Variants in MAP6 observed in about 807,000 individuals in gnomAD.
The protein encoded by MAP6 is microtubule associated protein 6, also known as microtubule-associated protein 6.
A neutral mutation model predicts 42.4 loss-of-function variants in MAP6; 26 were observed. The ratio of observed to expected loss-of-function variants is 0.61; its 90% CI spans 0.45 to 0.85. MAP6 has a LOEUF of 0.85. Ranked by LOEUF, MAP6 falls within the 40% of genes least tolerant of loss-of-function variation. MAP6 has a pLI of 0.00. For missense variants in MAP6, 966 were observed against 1,099.0 expected (o/e 0.88, Z 1.71); for synonymous variants, 418 against 443.8 (o/e 0.94, Z 0.73).
chr11:75,603,885 CAT>C, intron 3 of MAP6: 1 of 985,464 alleles, frequency 1.0e-6, no homozygotes. Context: ...CTAGCATCAA[CAT>C]GTCTGACTAA....
At chr11:75,606,758 C>T (rs1485261577) in intron 2 of MAP6, among the ~76,000 whole-genome samples, 1 of 152,144 alleles carries the variant, frequency 6.6e-6, no homozygotes, top group Non-Finnish European at 1.5e-5. Context: ...GGCTCCTCCA[C>T]CATTTTCCCC....
chr11:75,587,821 CT>C lies in MAP6; in HGVS notation c.1679del (p.Lys560ArgfsTer11). 6.2e-7 allele frequency: 1 copy of C among 1,614,142 alleles called. No individual in the cohort carries two copies. Among genetic ancestry groups the C allele is most frequent in the South Asian group, 1.1e-5 (1 of 91,070 alleles). ...DQGSVVPESLKDQGPRIPEPV... is the reference protein window; with the variant it reads ...DQGSVVPESLXDQGPRIPEPV... ...GCTCAGGAATCCTAGGACCTTGATC[CT>C]TTAGAGACTCTGGTACCACAGAGCC... On this transcript the variant is annotated frameshift_variant, in exon 4 of 4. Coordinates refer to ENST00000304771, the MANE Select transcript of MAP6 (RefSeq NM_033063.2). LOFTEE classifies it low-confidence loss of function (END_TRUNC).
chr11:75,644,923 G>A (rs1458502484), intron 1 of MAP6, among the ~76,000 whole-genome samples: 1 of 152,160 alleles, frequency 6.6e-6, no homozygotes, highest in Non-Finnish European at 1.5e-5. Flanking sequence ...ATCTTCAGAT[G>A]CAGGAAACCC....
intron 3 of MAP6, among the ~76,000 whole-genome samples, chr11:75,600,110 A>C (rs919520979): frequency 2.6e-5 from 4 of 152,170 alleles, no homozygotes; most frequent in Non-Finnish European, 4.4e-5. Flanking sequence ...TATCTGTCAG[A>C]AAGTGGACAA....
intron 3 of MAP6, among the ~76,000 whole-genome samples, chr11:75,592,338 G>C (rs1412393138): frequency 1.3e-5 from 2 of 152,214 alleles, no homozygotes; most frequent in Non-Finnish European, 1.5e-5. Flanking sequence ...CAACCTCCTT[G>C]CCTGCAGCCC....
chr11:75,649,203 T>A (rs1943609339), intron 1 of MAP6, among the ~76,000 whole-genome samples: 1 of 152,170 alleles, frequency 6.6e-6, no homozygotes, highest in Non-Finnish European at 1.5e-5. Flanking sequence ...TATACAGCCA[T>A]TAAAAAGAAC....
intron 1 of MAP6, among the ~76,000 whole-genome samples, chr11:75,612,085 G>A (rs182871987): frequency 6.6e-6 from 1 of 152,368 alleles, no homozygotes; most frequent in East Asian, 1.9e-4. Context: ...GGGCTAGATG[G>A]CACCTAAGCT....
rs752526891 is a variant in MAP6 at position 75,608,240 on chromosome 11, T to C, written c.988A>G (p.Met330Val). The C allele has an allele frequency of 4.9e-5, 79 of 1,614,124 alleles. No homozygotes were observed. Among genetic ancestry groups the C allele is most frequent in the Non-Finnish European group, 6.5e-5 (77 of 1,180,038 alleles). Residue 330 changes from methionine to valine, a missense_variant, in exon 2 of 4, where the codon ATG becomes GTG. Physicochemically the swap from Met to Val is conservative, Grantham distance 21. This residue lies in a region of MAP6 where 943 missense variants were observed against 1,049.9 expected (regional missense o/e 0.90). Transcript: ENST00000304771. ...GCACTGTAGCTGGTCTCATGAACCATCTTATCATCTGGGGGCTTGTACTGG... is the reference window on the plus strand; with the variant it reads ...GCACTGTAGCTGGTCTCATGAACCACCTTATCATCTGGGGGCTTGTACTGG... ...KPQYKPPDDK[M>V]VHETSYSAQF... is the part of the protein sequence containing the mutation.
chr11:75,587,409 C>T lies in MAP6; in HGVS notation c.2092G>A (p.Val698Ile). Residue 698 changes from valine to isoleucine, a missense_variant, in exon 4 of 4, where the codon GTT (valine) becomes ATT (isoleucine). Physicochemically the swap from Val to Ile is conservative, Grantham distance 29. Around this residue, in one of 2 missense-constraint regions of MAP6, gnomAD observed 943 missense variants for 1,049.9 expected, o/e 0.90. Transcript: ENST00000304771. The stretch of plus-strand genomic sequence containing the variant: ...CCTTGATTCTTTACAGGTGCCACAA[C>T]TGCAGAATCGTGAACCTTTGCATGC... Reference protein sequence around the residue: ...PEHAKVHDSAVVAPVKNQGPV... With the variant: ...PEHAKVHDSAIVAPVKNQGPV... 6.2e-7 allele frequency: 1 copy of T among 1,614,182 alleles called. No homozygotes were observed. Among genetic ancestry groups the T allele is most frequent in the Non-Finnish European group, 8.5e-7 (1 of 1,180,018 alleles).
At chr11:75,633,661 G>A (rs1943320052) in intron 1 of MAP6, among the ~76,000 whole-genome samples, 2 of 152,210 alleles carry the variant, frequency 1.3e-5, no homozygotes, top group Admixed American at 6.5e-5. Context: ...GTCAACAACA[G>A]CCTCTCTGAT....
In MAP6 at chr11:75,660,909, AT is replaced by A. The variant is rs1212894562; in HGVS notation, c.905+6555del. On this transcript the variant is annotated intron_variant, in intron 1 of 3. Coordinates refer to ENST00000304771, the MANE Select transcript of MAP6 (RefSeq NM_033063.2). ...ACTGAAAAAAGAGATGCTCAACAAA[AT>A]AAAAAATTTATTCTTTGGAAAGACT... Among the ~76,000 whole-genome samples, 12 of 152,296 alleles carry A rather than the reference AT, an allele frequency of 7.9e-5. No homozygotes were observed. In the East Asian group the frequency reaches 2.1e-3, roughly 27 times the overall value.
At chr11:75,612,186 C>G (rs1942907748) in intron 1 of MAP6, among the ~76,000 whole-genome samples, 1 of 152,240 alleles carries the variant, frequency 6.6e-6, no homozygotes. Context: ...TTCATGGTCC[C>G]CTGTAACATG....
chr11:75,651,239 G>A (rs1943641081), intron 1 of MAP6, among the ~76,000 whole-genome samples: 1 of 152,192 alleles, frequency 6.6e-6, no homozygotes, highest in Admixed American at 6.5e-5. Context: ...CCAAGGGCTT[G>A]CAAAGAATCT....
chr11:75,620,712 G>A (rs1943093114), intron 1 of MAP6, among the ~76,000 whole-genome samples: 1 of 152,020 alleles, frequency 6.6e-6, no homozygotes. Context: ...TAAACACCAG[G>A]ACAAAGTAAA....
At chr11:75,655,486 G>A (rs545276206) in intron 1 of MAP6, among the ~76,000 whole-genome samples, 5 of 152,314 alleles carry the variant, frequency 3.3e-5, no homozygotes, top group South Asian at 2.1e-4. Flanking sequence ...AAAAGGCATC[G>A]AGTGTGTGCA....
chr11:75,609,682 C>A (rs1942852953), intron 1 of MAP6, among the ~76,000 whole-genome samples: 1 of 152,186 alleles, frequency 6.6e-6, no homozygotes, highest in Non-Finnish European at 1.5e-5. Flanking sequence ...GAGCCACTTG[C>A]CGGTTATTTG....
chr11:75,661,174 A>G (rs1332763647), intron 1 of MAP6, among the ~76,000 whole-genome samples: 3 of 152,134 alleles, frequency 2.0e-5, no homozygotes, highest in African/African-American at 7.2e-5. Context: ...TAACACCTGA[A>G]TAAGTGAATC....
At chr11:75,660,193 C>A (rs1943819465) in intron 1 of MAP6, among the ~76,000 whole-genome samples, 1 of 152,120 alleles carries the variant, frequency 6.6e-6, no homozygotes, top group Non-Finnish European at 1.5e-5. Context: ...CCCCATGGCT[C>A]CATTTTCTGT....
Position 75,667,470 on chromosome 11 carries a change from G to T in MAP6, c.900C>A (p.Ser300=). Residue 300 remains serine, a synonymous_variant, in exon 1 of 4, where the codon TCC becomes TCA. Coordinates refer to ENST00000304771, the MANE Select transcript of MAP6 (RefSeq NM_033063.2). The surrounding 1 kb of genome is among the most constrained non-coding windows in gnomAD (Gnocchi z 5.6). ...TAGCAGCGGCCGCGTCTCACCTGTA[G>T]GAGCTGCTCACTGCACTCGCCACCT... ...REEVASAVSS[S]YRNEFRAWTD... The T allele has an allele frequency of 6.7e-7, 1 of 1,503,576 alleles. No individual in the cohort carries two copies. Among genetic ancestry groups the T allele is most frequent in the Non-Finnish European group, 8.8e-7 (1 of 1,134,708 alleles). The allele number at this position is 1,503,576 out of a possible 1,614,324, so 93.1% of individuals were successfully genotyped here.
Sources: gnomAD v4.1 joint callset for allele counts (sites outside exome capture counted in the v4.1 genomes callset) on GRCh38, gnomAD v4.1.1 for gene constraint, gnomAD v4.1.1 regional missense constraint, Gnocchi (gnomAD v3.1) non-coding constraint, MANE v1.5 for transcripts, NCBI Gene and HGNC (gene_info 2026-07-23, HGNC 2026-07-21) for gene names.